EYS: variants seen among roughly 807,000 people sequenced by gnomAD.
EYS encodes protein eyes shut homolog.
EYS carries 250 observed loss-of-function variants against 282.1 expected under a neutral mutation model. The observed-to-expected ratio is 0.89, with a 90% CI of 0.80 to 0.98. The LOEUF (loss-of-function observed/expected upper bound fraction) is 0.98, where lower values mean the gene tolerates loss of function less well. Ranked by LOEUF, EYS falls within the 50% of genes least tolerant of loss-of-function variation. The pLI is 0.00. For missense variants in EYS, 4,016 were observed against 3,709.0 expected (o/e 1.08, Z -2.15); for synonymous variants, 1,355 against 1,282.9 (o/e 1.06, Z -1.20).
intron 6 of EYS, among the ~76,000 whole-genome samples, chr6:65,404,068 T>A (rs901466996): frequency 3.9e-5 from 6 of 152,080 alleles, no homozygotes; most frequent in African/African-American, 1.4e-4. Context: ...AACCAAGATG[T>A]CTGCTGTGTC....
chr6:64,980,146 G>T (rs749082187), intron 14 of EYS, among the ~76,000 whole-genome samples: 1 of 151,456 alleles, frequency 6.6e-6, no homozygotes, highest in African/African-American at 2.4e-5. Flanking sequence ...AAAATGTGCT[G>T]CAAGTTTTTT....
At chr6:64,001,758 A>G (rs1768106075) in intron 33 of EYS, among the ~76,000 whole-genome samples, 1 of 152,260 alleles carries the variant, frequency 6.6e-6, no homozygotes. Flanking sequence ...AAAGGGATAC[A>G]TGTAATTTAC....
Position 65,057,609 on chromosome 6 carries a change from A to G in EYS, c.2137+5T>C, listed in dbSNP as rs1201092750. On this transcript the variant is annotated splice_donor_5th_base_variant and intron_variant, in intron 13 of 42. Transcript: ENST00000503581. ...TGCTTTTCCTTATCCCTTGGTGTTC[A>G]TTACCTTTAAATGGAGGCACACACT... 2 of 1,523,268 alleles carry G rather than the reference A, an allele frequency of 1.3e-6. No individual in the cohort carries two copies. The highest frequency in any genetic ancestry group is 2.5e-5 in the East Asian group (1 of 40,736). The allele number at this position is 1,523,268 out of a possible 1,614,324, so 94.4% of individuals were successfully genotyped here.
At chr6:64,596,837 CA>C (rs35958995) in intron 24 of EYS, among the ~76,000 whole-genome samples, 15,342 of 151,712 alleles carry the variant, frequency 0.1, 927 homozygotes, top group East Asian at 0.17. Context: ...GCACAAGAAA[CA>C]AAAAACAAAA....
intron 12 of EYS, among the ~76,000 whole-genome samples, chr6:65,201,115 C>G (rs967458249): frequency 1.3e-5 from 2 of 151,962 alleles, no homozygotes; most frequent in Non-Finnish European, 2.9e-5. Context: ...TAGAATAAGA[C>G]CACACCTGAG....
intron 8 of EYS, among the ~76,000 whole-genome samples, chr6:65,363,573 C>T (rs945434776): frequency 6.6e-6 from 1 of 151,666 alleles, no homozygotes; most frequent in Non-Finnish European, 1.5e-5. Flanking sequence ...GTTGCCATCT[C>T]AGGAAGAGTA....
intron 31 of EYS, among the ~76,000 whole-genome samples, chr6:64,223,464 C>T (rs1582449115): frequency 6.6e-6 from 1 of 151,982 alleles, no homozygotes. Flanking sequence ...CAAGTATATA[C>T]AACTCAATAT....
At chr6:64,761,549 T>C (rs941727517) in intron 22 of EYS, among the ~76,000 whole-genome samples, 1 of 152,188 alleles carries the variant, frequency 6.6e-6, no homozygotes, top group African/African-American at 2.4e-5. Context: ...CTCTGCTTCC[T>C]GGGTTTAAGC....
Position 65,402,509 on chromosome 6 carries a change from A to C in EYS, c.1153T>G (p.Cys385Gly). The C allele has an allele frequency of 6.5e-7, 1 of 1,530,536 alleles. No homozygotes were observed. Among genetic ancestry groups the C allele is most frequent in the East Asian group, 2.3e-5 (1 of 44,294 alleles). The allele number at this position is 1,530,536 out of a possible 1,614,324, so 94.8% of individuals were successfully genotyped here. A position where few individuals can be genotyped will look rare whatever the true frequency, so the allele number is the denominator to read the frequency against. ...ESFPLRNNAT[C>G]KKCEKDYPCS... ...GGATAATCTTTCTCACATTTCTTACATGTAGCATTATTCCTCAAAGGAAAT... is the reference window on the plus strand; with the variant it reads ...GGATAATCTTTCTCACATTTCTTACCTGTAGCATTATTCCTCAAAGGAAAT... Residue 385 changes from cysteine (C) to glycine (G), a missense_variant, in exon 7 of 43, where the codon TGT becomes GGT. By Grantham distance (159) the Cys-to-Gly change is radical (BLOSUM62 -3). Transcript: ENST00000503581.
chr6:65,002,583 G>C (rs1452213367), intron 13 of EYS, among the ~76,000 whole-genome samples: 1 of 147,334 alleles, frequency 6.8e-6, no homozygotes, highest in Non-Finnish European at 1.5e-5. Context: ...CACTTGTTTT[G>C]AGAAACAAAT....
At chr6:64,869,551 C>A (rs781664081) in intron 19 of EYS, among the ~76,000 whole-genome samples, 6 of 151,410 alleles carry the variant, frequency 4.0e-5, no homozygotes, top group Non-Finnish European at 8.9e-5. Flanking sequence ...GAAAAAAAAT[C>A]TTAGTTGAGA....
At chr6:65,588,404 G>A (rs969080464) in intron 2 of EYS, among the ~76,000 whole-genome samples, 1 of 149,658 alleles carries the variant, frequency 6.7e-6, no homozygotes, top group African/African-American at 2.4e-5. Flanking sequence ...TGTGGCGGGG[G>A]GAGTATCTGC....
chr6:64,156,332 T>C (rs1172749244), intron 31 of EYS, among the ~76,000 whole-genome samples: 3 of 152,114 alleles, frequency 2.0e-5, no homozygotes, highest in African/African-American at 4.8e-5. Flanking sequence ...CACCTCCCAC[T>C]GTGATTCTGA....
Position 64,896,558 on chromosome 6 carries a change from T to TA in EYS, c.2846+5554_2846+5555insT, listed in dbSNP as rs1035751825. The stretch of plus-strand genomic sequence containing the variant: ...GCAGGAGTTGTTGTTTTTTTTTTTT[T>TA]TTTTTCGTATCCCAGTGGCACCTGA... On this transcript the variant is annotated intron_variant, in intron 18 of 42. Coordinates refer to ENST00000503581, the MANE Select transcript of EYS (RefSeq NM_001142800.2). Among the ~76,000 whole-genome samples the TA allele has an allele frequency of 3.3e-4, 50 of 151,266 alleles. No individual in the cohort carries two copies. The East Asian group carries it at 5.1e-3, about 16-fold the overall frequency.
In EYS at chr6:65,494,855, G is replaced by T; in HGVS notation, c.556C>A (p.His186Asn). The T allele has an allele frequency of 6.2e-7, 1 of 1,614,060 alleles. No homozygotes were observed. Among genetic ancestry groups the T allele is most frequent in the South Asian group, 1.1e-5 (1 of 91,072 alleles). ...ESLSSEFCSGHGKCLSEAWSK... is the reference protein window; with the variant it reads ...ESLSSEFCSGNGKCLSEAWSK... The stretch of plus-strand genomic sequence containing the variant: ...CAAGCTTCACTAAGACATTTACCAT[G>T]ACCAGAGCAAAATTCTGAACTCAGA... The change falls in exon 4 of 43, where the codon CAT becomes AAT. Residue 186 changes from histidine (H) to asparagine (N), a missense_variant. Physicochemically the swap from His to Asn is moderately conservative, Grantham distance 68. Transcript: ENST00000503581.
intron 22 of EYS, among the ~76,000 whole-genome samples, chr6:64,789,939 G>A (rs555373591): frequency 1.8e-4 from 27 of 151,294 alleles, no homozygotes; most frequent in East Asian, 1.4e-3. Flanking sequence ...AATAATCTTC[G>A]TTATAACTAG....
intron 26 of EYS, among the ~76,000 whole-genome samples, chr6:64,579,822 C>G (rs1766002729): frequency 6.6e-6 from 1 of 152,064 alleles, no homozygotes; most frequent in Non-Finnish European, 1.5e-5. Flanking sequence ...TGGAATCAAG[C>G]ACTATACTGG....
At chr6:64,479,919 A>G (rs894438261) in intron 26 of EYS, among the ~76,000 whole-genome samples, 1 of 152,020 alleles carries the variant, frequency 6.6e-6, no homozygotes, top group African/African-American at 2.4e-5. Context: ...TGGAGCAACA[A>G]CAATAAAAAT....
chr6:64,673,265 C>T (rs1005423642), intron 22 of EYS, among the ~76,000 whole-genome samples: 5 of 151,978 alleles, frequency 3.3e-5, no homozygotes, highest in Admixed American at 2.6e-4. Context: ...GACACAGAAG[C>T]GACTGTAACA....
Sources: gnomAD v4.1 joint callset for allele counts (sites outside exome capture counted in the v4.1 genomes callset) on GRCh38, gnomAD v4.1.1 for gene constraint, MANE v1.5 for transcripts, NCBI Gene and HGNC (gene_info 2026-07-23, HGNC 2026-07-21) for gene names.